Variants in PARD3B observed in about 807,000 individuals in gnomAD.
PARD3B encodes par-3 family cell polarity regulator beta.
Under a neutral mutation model 130.2 loss-of-function variants are expected in PARD3B, and 103 were observed. The observed-to-expected ratio is 0.79, with a 90% CI of 0.67 to 0.93. The LOEUF is 0.93. Ranked by LOEUF, PARD3B falls within the 40% of genes least tolerant of loss-of-function variation. The pLI is 0.00. For synonymous variants in PARD3B, 583 were observed against 553.2 expected (o/e 1.05, Z -0.76); for missense variants, 1,609 against 1,499.2 (o/e 1.07, Z -1.21).
chr2:205,036,415 A>G (rs1697894327), intron 3 of PARD3B, among the ~76,000 whole-genome samples: 1 of 147,888 alleles, frequency 6.8e-6, no homozygotes, highest in Admixed American at 6.8e-5. Context: ...ATAGCAGACT[A>G]TATATAAAAA....
At chr2:205,217,697 T>C (rs938119041) in intron 15 of PARD3B, among the ~76,000 whole-genome samples, 60 of 150,976 alleles carry the variant, frequency 4.0e-4, no homozygotes, top group Admixed American at 1.1e-3. Context: ...TTTATATATA[T>C]ACACACATAC....
In PARD3B at chr2:205,174,036, A is replaced by T. The variant is rs572658798; in HGVS notation, c.1791+1655A>T. Among the ~76,000 whole-genome samples the T allele has an allele frequency of 5.3e-5, 8 of 152,356 alleles. No individual in the cohort carries two copies. In the East Asian group the frequency reaches 1.2e-3, roughly 22 times the overall value. On this transcript the variant is annotated intron_variant, in intron 12 of 22. Transcript: ENST00000406610. ...GCTGTAGCATAACATACCTGTGCAG[A>T]TAGCAAAAGTTAAAAAAGAAATGAC... is the stretch of plus-strand genomic sequence containing the variant.
At chr2:204,644,775 A>C (rs2035214949) in intron 1 of PARD3B, among the ~76,000 whole-genome samples, 1 of 152,170 alleles carries the variant, frequency 6.6e-6, no homozygotes, top group Non-Finnish European at 1.5e-5. Flanking sequence ...ATGGTACATG[A>C]TATCATGATT....
At chr2:204,983,953 G>T (rs945111937) in intron 3 of PARD3B, among the ~76,000 whole-genome samples, 1 of 151,728 alleles carries the variant, frequency 6.6e-6, no homozygotes, top group South Asian at 2.1e-4. Context: ...GTCAGTACCC[G>T]TCCCCTCCTC....
chr2:204,986,347 T>C (rs903023797), intron 3 of PARD3B, among the ~76,000 whole-genome samples: 5 of 152,128 alleles, frequency 3.3e-5, no homozygotes, highest in African/African-American at 7.2e-5. Context: ...TCAAAACATG[T>C]CTATACGACT....
intron 2 of PARD3B, among the ~76,000 whole-genome samples, chr2:204,712,918 G>A (rs2038526343): frequency 6.6e-6 from 1 of 151,958 alleles, no homozygotes; most frequent in Non-Finnish European, 1.5e-5. Flanking sequence ...GTTTTATATG[G>A]TTTAGGCCCC....
chr2:205,059,381 G>A (rs907567776), intron 4 of PARD3B, among the ~76,000 whole-genome samples: 3 of 152,044 alleles, frequency 2.0e-5, no homozygotes, highest in Non-Finnish European at 4.4e-5. Context: ...TGCAAAGAAA[G>A]CTTCTGTCTG....
chr2:204,744,830 A>G (rs139404918), intron 2 of PARD3B, among the ~76,000 whole-genome samples: 1 of 152,296 alleles, frequency 6.6e-6, no homozygotes, highest in African/African-American at 2.4e-5. Flanking sequence ...CGGTGAGACT[A>G]AAGTTTAAAA....
intron 2 of PARD3B, among the ~76,000 whole-genome samples, chr2:204,950,163 C>CT (rs1689648462): frequency 1.3e-5 from 2 of 152,130 alleles, no homozygotes. Flanking sequence ...CTAGTCCTGG[C>CT]TTTATCACTT....
chr2:204,688,579 A>G (rs370995095), intron 2 of PARD3B, among the ~76,000 whole-genome samples: 4 of 114,126 alleles, frequency 3.5e-5, no homozygotes, highest in Admixed American at 1.6e-4. Context: ...GACTCCATCT[A>G]AAAAAAAAAA....
chr2:205,011,686 T>C lies in PARD3B; in HGVS notation c.395-35895T>C, dbSNP rs765556111. Among the ~76,000 whole-genome samples the C allele has an allele frequency of 5.9e-5, 9 of 152,252 alleles. No individual in the cohort carries two copies. The South Asian group carries it at 8.3e-4, about 14-fold the overall frequency. On this transcript the variant is annotated intron_variant, in intron 3 of 22. Coordinates refer to ENST00000406610, the MANE Select transcript of PARD3B (RefSeq NM_001302769.2). The surrounding 1 kb of genome is among the most constrained non-coding windows in gnomAD (Gnocchi z 4.1). ...TTCCGCAGAGAAAGACTCCTCTCCA[T>C]GTGCCTTACCTGAAGATTTAAGCCT...
At chr2:204,696,000 C>G (rs780689612) in intron 2 of PARD3B, among the ~76,000 whole-genome samples, 1 of 151,974 alleles carries the variant, frequency 6.6e-6, no homozygotes, top group Non-Finnish European at 1.5e-5. Flanking sequence ...AACTAAAGTA[C>G]AAGGATAGTT....
At chr2:205,307,334 T>A (rs1051854645) in intron 18 of PARD3B, among the ~76,000 whole-genome samples, 5 of 152,270 alleles carry the variant, frequency 3.3e-5, no homozygotes, top group African/African-American at 1.2e-4. Flanking sequence ...TGCTTATACT[T>A]TGTTGATTTC....
At chr2:204,955,224 T>C (rs1354023727) in intron 2 of PARD3B, among the ~76,000 whole-genome samples, 1 of 152,244 alleles carries the variant, frequency 6.6e-6, no homozygotes, top group East Asian at 1.9e-4. Flanking sequence ...AAACTAGGTC[T>C]GTTAATGCAC....
At chr2:205,195,336 G>A (rs1245176571) in intron 15 of PARD3B, among the ~76,000 whole-genome samples, 1 of 152,194 alleles carries the variant, frequency 6.6e-6, no homozygotes, top group Non-Finnish European at 1.5e-5. Flanking sequence ...GCACCATGCA[G>A]TGGAAATACT....
rs1053419797 is a variant in PARD3B at position 205,594,727 on chromosome 2, G to A, written c.3261-20729G>A. On this transcript the variant is annotated intron_variant, in intron 22 of 22. Transcript: ENST00000406610. The stretch of plus-strand genomic sequence containing the variant: ...CAACTGGCTGAAAATTTTTTAAACA[G>A]TGTGTTGGGGATGGGAGTGTATAAA... Among the ~76,000 whole-genome samples the A allele has an allele frequency of 6.6e-5, 10 of 152,182 alleles. 2 individuals are homozygous for A. Among genetic ancestry groups the A allele is most frequent in the South Asian group, 6.2e-4 (3 of 4,828 alleles).
chr2:204,756,977 A>G (rs190730393), intron 2 of PARD3B, among the ~76,000 whole-genome samples: 10 of 152,034 alleles, frequency 6.6e-5, no homozygotes, highest in Non-Finnish European at 1.0e-4. Flanking sequence ...TGTATATCCA[A>G]TGTTTAGCTC....
chr2:205,179,350 T>C (rs930735194), intron 13 of PARD3B, among the ~76,000 whole-genome samples: 14 of 151,754 alleles, frequency 9.2e-5, no homozygotes, highest in African/African-American at 3.4e-4. Context: ...GTGTCTGTAA[T>C]GTCTATAGTA....
chr2:205,499,378 C>T (rs76096415), intron 20 of PARD3B, among the ~76,000 whole-genome samples: 2,683 of 151,688 alleles, frequency 0.018, 81 homozygotes, highest in African/African-American at 0.06. Context: ...CTTTTTTACA[C>T]GTGTCCTAAC....
Sources: gnomAD v4.1 joint callset for allele counts (sites outside exome capture counted in the v4.1 genomes callset) on GRCh38, gnomAD v4.1.1 for gene constraint, Gnocchi (gnomAD v3.1) non-coding constraint, MANE v1.5 for transcripts, NCBI Gene and HGNC (gene_info 2026-07-23, HGNC 2026-07-21) for gene names.